GAB2: variants seen among roughly 807,000 people sequenced by gnomAD.
GAB2 encodes the protein GRB2-associated-binding protein 2.
Under a neutral mutation model 65.5 loss-of-function variants are expected in GAB2, and 26 were observed. The ratio of observed to expected loss-of-function variants is 0.40; its 90% CI spans 0.29 to 0.55. The LOEUF (loss-of-function observed/expected upper bound fraction) is 0.55. Ranked by LOEUF, GAB2 falls within the 20% of genes least tolerant of loss-of-function variation. The probability of loss-of-function intolerance (pLI) is 0.53; values close to 1 mark genes in which losing one functional copy is unlikely to be tolerated. For missense variants in GAB2, 884 were observed against 875.8 expected (o/e 1.01, Z -0.12); for synonymous variants, 321 against 329.6 (o/e 0.97, Z 0.28).
rs189500144 is a variant in GAB2 at position 78,287,604 on chromosome 11, C to T, written c.76-6703G>A. Reference sequence around the variant, plus strand: ...ATACTTAGATTTGAGAGACTGAATCCTCTTTCCTAAGATCAGGAATAAGGC... The same window carrying T: ...ATACTTAGATTTGAGAGACTGAATCTTCTTTCCTAAGATCAGGAATAAGGC... On this transcript the variant is annotated intron_variant, in intron 1 of 9. Transcript: ENST00000361507. 2.1e-3 allele frequency among the ~76,000 whole-genome samples: 320 copies of T among 151,794 alleles called. 1 individual carries two copies. Among genetic ancestry groups the T allele is most frequent in the Non-Finnish European group, 3.8e-3 (258 of 67,940 alleles).
At chr11:78,405,253 C>G (rs1857028523) in intron 1 of GAB2, among the ~76,000 whole-genome samples, 1 of 152,072 alleles carries the variant, frequency 6.6e-6, no homozygotes, top group African/African-American at 2.4e-5. Context: ...TGCCTGCCAC[C>G]ACACCCGGCT....
At chr11:78,266,419 A>C (rs1276407933) in intron 2 of GAB2, among the ~76,000 whole-genome samples, 1 of 152,058 alleles carries the variant, frequency 6.6e-6, no homozygotes, top group East Asian at 1.9e-4. Context: ...TGGGGCACTT[A>C]AAATAGCAGC....
At chr11:78,417,379 G>A (rs1213740579) in intron 1 of GAB2, among the ~76,000 whole-genome samples, 1 of 151,954 alleles carries the variant, frequency 6.6e-6, no homozygotes, top group South Asian at 2.1e-4. Flanking sequence ...TTTAGTTCAC[G>A]AGCAGACCGG....
intron 1 of GAB2, among the ~76,000 whole-genome samples, chr11:78,383,860 G>T (rs1474439319): frequency 7.9e-5 from 12 of 152,100 alleles, no homozygotes; most frequent in Admixed American, 7.9e-4. Flanking sequence ...ATCTTCCAAG[G>T]CCCTTTCCAA....
At chr11:78,245,937 ATTTTCTTT>A (rs1301946550) in intron 3 of GAB2, among the ~76,000 whole-genome samples, 5 of 143,878 alleles carry the variant, frequency 3.5e-5, no homozygotes, top group South Asian at 2.2e-4. Flanking sequence ...GGGTTTTTTT[ATTTTCTTT>A]TTTTCTTTTT....
Position 78,223,428 on chromosome 11 carries a change from G to T in GAB2, c.1551C>A (p.Leu517=). The T allele has an allele frequency of 2.6e-6, 4 of 1,564,648 alleles. No homozygotes were observed. The highest frequency in any genetic ancestry group is 2.6e-6 in the Non-Finnish European group (3 of 1,153,830). ...TGGACTTACCTTTCCGATCAGGTTT[G>T]AGGTTGCGGTTGACAGGGGGTGGCT... ...EIQPPPVNRN[L]KPDRKAKPTP... Residue 517 remains leucine, a synonymous_variant, in exon 6 of 10, where the codon CTC becomes CTA. Coordinates refer to ENST00000361507, the MANE Select transcript of GAB2 (RefSeq NM_080491.3).
intron 2 of GAB2, among the ~76,000 whole-genome samples, chr11:78,269,649 G>A (rs1865960695): frequency 6.6e-6 from 1 of 152,194 alleles, no homozygotes; most frequent in South Asian, 2.1e-4. Context: ...TTGACCCCAG[G>A]TGGGACCCAG....
intron 1 of GAB2, among the ~76,000 whole-genome samples, chr11:78,346,626 T>C (rs1856183692): frequency 7.5e-6 from 1 of 133,606 alleles, no homozygotes; most frequent in Non-Finnish European, 1.5e-5. Flanking sequence ...TCTACATTAA[T>C]GAGAAGCAAG....
chr11:78,376,245 A>G lies in GAB2; in HGVS notation c.75+41401T>C, dbSNP rs115748202. Among the ~76,000 whole-genome samples the G allele has an allele frequency of 9.2e-3, 1,409 of 152,330 alleles. 25 individuals carry two copies. Among genetic ancestry groups the G allele is most frequent in the African/African-American group, 0.032 (1,337 of 41,568 alleles). On this transcript the variant is annotated intron_variant, in intron 1 of 9. Coordinates refer to ENST00000361507, the MANE Select transcript of GAB2 (RefSeq NM_080491.3). ...GATGTGAACTCAAGGAGCAAAATGA[A>G]GATTCCCTAAGCAAAGTCTGCCTGT... is the stretch of plus-strand genomic sequence containing the variant.
At chr11:78,397,668 C>T (rs775681613) in intron 1 of GAB2, among the ~76,000 whole-genome samples, 17 of 152,132 alleles carry the variant, frequency 1.1e-4, no homozygotes, top group Non-Finnish European at 1.8e-4. Flanking sequence ...CAATCTCTTC[C>T]GGACTCCTAT....
chr11:78,216,475 T>G lies in GAB2; in HGVS notation c.*2797A>C, dbSNP rs1220662864. The G allele has an allele frequency of 2.6e-5, 4 of 152,092 alleles. No homozygotes were observed. 9.4% of individuals were successfully genotyped at this position (152,092 alleles called of 1,614,324 possible). A position where few individuals can be genotyped will look rare whatever the true frequency, so the allele number is the denominator to read the frequency against. On this transcript the variant is annotated 3_prime_UTR_variant, in exon 10 of 10. Transcript: ENST00000361507. ...GGATATGCTAGATACGGCTGGTAGT[T>G]TGGGGCCTGTGAGCCAGAGCTTTGC...
chr11:78,313,858 G>C (rs982311163), intron 1 of GAB2, among the ~76,000 whole-genome samples: 2 of 152,210 alleles, frequency 1.3e-5, no homozygotes, highest in African/African-American at 4.8e-5. Flanking sequence ...TAAGGTATCA[G>C]TACAGATTAG....
chr11:78,417,574 G>C (rs1023071721), intron 1 of GAB2, 72 bp downstream of exon 1: 2 of 636,468 alleles, frequency 3.1e-6, no homozygotes, highest in Admixed American at 6.0e-5. Context: ...CCGCCCCTCC[G>C]GGAGTCCCCC....
intron 1 of GAB2, among the ~76,000 whole-genome samples, chr11:78,373,771 C>A (rs1004466268): frequency 6.6e-6 from 1 of 152,184 alleles, no homozygotes; most frequent in African/African-American, 2.4e-5. Flanking sequence ...TTCCCAGCTC[C>A]TTTGTTGTTA....
At chr11:78,323,326 A>T (rs376592755) in intron 1 of GAB2, among the ~76,000 whole-genome samples, 2 of 152,128 alleles carry the variant, frequency 1.3e-5, no homozygotes, top group South Asian at 4.2e-4. Flanking sequence ...CCTGGCCAAC[A>T]TGGTGAAATC....
intron 1 of GAB2, among the ~76,000 whole-genome samples, chr11:78,314,611 G>A (rs1210700667): frequency 6.6e-6 from 1 of 152,164 alleles, no homozygotes; most frequent in Non-Finnish European, 1.5e-5. Context: ...AGTATAACAT[G>A]TTATACAGAA....
intron 3 of GAB2, among the ~76,000 whole-genome samples, chr11:78,233,986 G>GT (rs1188955837): frequency 1.3e-5 from 2 of 152,180 alleles, no homozygotes; most frequent in African/African-American, 4.8e-5. Context: ...AAAAACTACA[G>GT]TTTTTTCTCT....
intron 3 of GAB2, 136 bp from the exon 4 acceptor site, chr11:78,227,187 T>C (rs1338959938): frequency 9.3e-6 from 6 of 644,772 alleles, no homozygotes; most frequent in Non-Finnish European, 1.4e-5. Context: ...TTTTGAAGGT[T>C]GTTCAGACTC....
chr11:78,329,315 T>C (rs371848522), intron 1 of GAB2, among the ~76,000 whole-genome samples: 2 of 152,160 alleles, frequency 1.3e-5, no homozygotes, highest in Non-Finnish European at 2.9e-5. Flanking sequence ...TAATTAAAAA[T>C]CCCTTACACT....
Sources: allele counts gnomAD v4.1 joint callset (sites outside exome capture counted in the v4.1 genomes callset), GRCh38; gene constraint gnomAD v4.1.1; transcripts MANE v1.5; gene names NCBI Gene and HGNC (gene_info 2026-07-23, HGNC 2026-07-21).